The following PLEKHM3 variants were observed in gnomAD, a reference collection of about 807,000 sequenced individuals.
PLEKHM3 encodes the protein pleckstrin homology domain containing M3.
A neutral mutation model predicts 81.8 loss-of-function variants in PLEKHM3; 45 were observed. That is an observed-to-expected ratio of 0.55 (90% CI 0.43 to 0.71). The LOEUF (loss-of-function observed/expected upper bound fraction) is 0.71. PLEKHM3 is among the 30% of genes least tolerant of loss of function. The pLI is 0.00. For synonymous variants in PLEKHM3, 352 were observed against 356.4 expected (o/e 0.99, Z 0.14); for missense variants, 788 against 924.3 (o/e 0.85, Z 1.91).
Position 207,821,984 on chromosome 2 carries a change from T to G in PLEKHM3, c.*6335A>C. On this transcript the variant is annotated 3_prime_UTR_variant, in exon 8 of 8. Transcript: ENST00000427836. ...CTAGTAGCTATTCACAGTAAGATTC[T>G]ACTTCTTTTTTTGTTTGTTTTTTGA... is the stretch of plus-strand genomic sequence containing the variant. The G allele has an allele frequency of 6.6e-6, 1 of 152,220 alleles. No homozygotes were observed. Among genetic ancestry groups the G allele is most frequent in the Non-Finnish European group, 1.5e-5 (1 of 68,040 alleles). 9.4% of individuals were successfully genotyped at this position (152,220 alleles called of 1,614,324 possible). A position where few individuals can be genotyped will look rare whatever the true frequency, so the allele number is the denominator to read the frequency against.
At position 207,821,578 on chromosome 2, in the gene PLEKHM3, C is replaced by A. The variant is rs2092217382; in HGVS notation, c.*6741G>T. On this transcript the variant is annotated 3_prime_UTR_variant, in exon 8 of 8. Coordinates refer to ENST00000427836, the MANE Select transcript of PLEKHM3 (RefSeq NM_001080475.3). ...CACAAAGTGATATAACAGCCCAGAC[C>A]CAAAATTTTAGTCATTTCTGTACTG... 6.6e-6 allele frequency: 1 copy of A among 151,960 alleles called. No homozygotes were observed. The highest frequency in any genetic ancestry group is 1.5e-5 in the Non-Finnish European group (1 of 68,014). The allele number at this position is 151,960 out of a possible 1,614,324, so 9.4% of individuals were successfully genotyped here.
At chr2:207,948,814 A>G (rs934537619) in intron 3 of PLEKHM3, among the ~76,000 whole-genome samples, 3 of 152,156 alleles carry the variant, frequency 2.0e-5, no homozygotes, top group African/African-American at 7.2e-5. Flanking sequence ...AAGTGCTGGG[A>G]TAACAGGCGT....
intron 1 of PLEKHM3, among the ~76,000 whole-genome samples, chr2:208,017,678 G>A (rs1233963614): frequency 6.6e-6 from 1 of 151,972 alleles, no homozygotes; most frequent in Non-Finnish European, 1.5e-5. Context: ...TATGCTTTCT[G>A]ACTCCATTTC....
rs78701820 is a variant in PLEKHM3 at position 207,946,464 on chromosome 2, T to C, written c.1595A>G (p.Asn532Ser). 9.9e-6 allele frequency: 16 copies of C among 1,614,132 alleles called. No homozygotes were observed. The East Asian group carries it at 3.3e-4, about 34-fold the overall frequency. Reference sequence around the variant, plus strand: ...ACTGCAGTAATACCACCCACTGTAGTTGCACACCTTGGCTTTCCCATTGGA... The same window carrying C: ...ACTGCAGTAATACCACCCACTGTAGCTGCACACCTTGGCTTTCCCATTGGA... ...GLSNGKAKVC[N>S]YSGWYYCSSC... The change falls in exon 4 of 8, where the codon AAC (asparagine) becomes AGC (serine). Residue 532 changes from asparagine to serine, a missense_variant. By Grantham distance (46) the Asn-to-Ser change is conservative (BLOSUM62 1). Coordinates refer to ENST00000427836, the MANE Select transcript of PLEKHM3 (RefSeq NM_001080475.3).
intron 5 of PLEKHM3, among the ~76,000 whole-genome samples, chr2:207,918,940 C>A (rs932352109): frequency 4.6e-5 from 7 of 151,874 alleles, no homozygotes; most frequent in African/African-American, 1.7e-4. Flanking sequence ...TGGAAACAGA[C>A]AAAATAAAAT....
At chr2:207,939,866 T>G (rs1057475767) in intron 4 of PLEKHM3, among the ~76,000 whole-genome samples, 1 of 152,184 alleles carries the variant, frequency 6.6e-6, no homozygotes, top group Non-Finnish European at 1.5e-5. Context: ...GTGGAGAGCA[T>G]GGCCTCAGGA....
chr2:207,918,195 A>G (rs146961326), intron 5 of PLEKHM3, among the ~76,000 whole-genome samples: 186 of 152,348 alleles, frequency 1.2e-3, no homozygotes, highest in African/African-American at 4.3e-3. Flanking sequence ...AGATGTTCAC[A>G]ATATACTAAG....
chr2:207,959,643 A>G (rs1435704476), intron 3 of PLEKHM3, among the ~76,000 whole-genome samples: 1 of 152,188 alleles, frequency 6.6e-6, no homozygotes, highest in Non-Finnish European at 1.5e-5. Flanking sequence ...TGAACTTTAC[A>G]GTATCCTGAA....
intron 6 of PLEKHM3, among the ~76,000 whole-genome samples, chr2:207,907,997 C>T (rs569632801): frequency 1.3e-5 from 2 of 152,098 alleles, no homozygotes; most frequent in Non-Finnish European, 2.9e-5. Flanking sequence ...AAGATTTATC[C>T]ATATTGTAGC....
intron 6 of PLEKHM3, among the ~76,000 whole-genome samples, chr2:207,880,060 G>A (rs988321010): frequency 3.3e-5 from 5 of 152,146 alleles, no homozygotes; most frequent in Admixed American, 3.3e-4. Context: ...TATAACATAA[G>A]TTAATTGTTT....
intron 3 of PLEKHM3, among the ~76,000 whole-genome samples, chr2:207,947,360 T>C (rs1436783789): frequency 2.0e-5 from 3 of 152,232 alleles, no homozygotes; most frequent in South Asian, 2.1e-4. Context: ...AGAAAGTCCA[T>C]GACTCTGTGA....
intron 2 of PLEKHM3, among the ~76,000 whole-genome samples, chr2:208,000,165 G>A (rs756733469): frequency 3.9e-5 from 6 of 152,136 alleles, no homozygotes; most frequent in African/African-American, 1.4e-4. Flanking sequence ...AAGACCCTCC[G>A]CCATGAGGGA....
intron 4 of PLEKHM3, among the ~76,000 whole-genome samples, chr2:207,931,724 G>T (rs1186734590): frequency 2.0e-5 from 3 of 152,212 alleles, no homozygotes; most frequent in African/African-American, 7.2e-5. Flanking sequence ...TGTAATCACA[G>T]CACTTTGGGA....
At chr2:207,875,991 T>C (rs2092558269) in intron 6 of PLEKHM3, among the ~76,000 whole-genome samples, 1 of 152,196 alleles carries the variant, frequency 6.6e-6, no homozygotes, top group African/African-American at 2.4e-5. Flanking sequence ...ATCCACAGTA[T>C]AATGTGAACT....
intron 1 of PLEKHM3, among the ~76,000 whole-genome samples, chr2:208,024,906 T>A (rs1693275510): frequency 6.6e-6 from 1 of 152,248 alleles, no homozygotes; most frequent in African/African-American, 2.4e-5. Flanking sequence ...TTTTCTTATC[T>A]TGATTTTTTA....
At chr2:207,966,483 T>C (rs1025082624) in intron 3 of PLEKHM3, among the ~76,000 whole-genome samples, 1 of 152,232 alleles carries the variant, frequency 6.6e-6, no homozygotes, top group African/African-American at 2.4e-5. Context: ...TTCCCTATTC[T>C]AGGTTACATT....
chr2:207,920,178 T>C (rs532956306), intron 5 of PLEKHM3, among the ~76,000 whole-genome samples: 1 of 152,308 alleles, frequency 6.6e-6, no homozygotes, highest in African/African-American at 2.4e-5. Flanking sequence ...CTCTTGAGCC[T>C]CTCAAGCCAA....
intron 2 of PLEKHM3, among the ~76,000 whole-genome samples, chr2:207,992,812 T>C (rs970592578): frequency 9.9e-5 from 15 of 152,064 alleles, no homozygotes; most frequent in South Asian, 8.3e-4. Context: ...TGAAAAATAA[T>C]GGAGGATTTT....
chr2:207,848,327 A>T (rs2092395511), intron 7 of PLEKHM3, among the ~76,000 whole-genome samples: 2 of 152,328 alleles, frequency 1.3e-5, no homozygotes, highest in Middle Eastern at 6.8e-3. Flanking sequence ...AAAATGAAAG[A>T]GTCTTTGTAA....
Sources: gnomAD v4.1 joint callset for allele counts (sites outside exome capture counted in the v4.1 genomes callset) on GRCh38, gnomAD v4.1.1 for gene constraint, MANE v1.5 for transcripts, NCBI Gene and HGNC (gene_info 2026-07-23, HGNC 2026-07-21) for gene names.